The following FCHSD2 variants were observed in gnomAD, a reference collection of about 807,000 sequenced individuals.
FCHSD2 encodes the protein F-BAR and double SH3 domains protein 2.
A neutral mutation model predicts 108.1 loss-of-function variants in FCHSD2; 38 were observed. The observed-to-expected ratio is 0.35, with a 90% CI of 0.27 to 0.46. The LOEUF is 0.46. Ranked by LOEUF, FCHSD2 falls within the 20% of genes least tolerant of loss-of-function variation. The pLI is 1.00. For synonymous variants in FCHSD2, 279 were observed against 314.7 expected (o/e 0.89, Z 1.20); for missense variants, 751 against 897.8 (o/e 0.84, Z 2.09).
At chr11:73,045,229 C>T (rs1273953686) in intron 3 of FCHSD2, among the ~76,000 whole-genome samples, 1 of 151,930 alleles carries the variant, frequency 6.6e-6, no homozygotes, top group Non-Finnish European at 1.5e-5. Context: ...TACCATCTCA[C>T]ACCAGTTAGA....
chr11:73,012,942 C>T (rs1248173311), intron 4 of FCHSD2, among the ~76,000 whole-genome samples: 1 of 152,142 alleles, frequency 6.6e-6, no homozygotes, highest in Non-Finnish European at 1.5e-5. Flanking sequence ...CTACAATTTC[C>T]TTGGTTCAAA....
At chr11:73,141,659 G>A (rs1223097754) in intron 1 of FCHSD2, among the ~76,000 whole-genome samples, 198 bp downstream of exon 1, 2 of 152,194 alleles carry the variant, frequency 1.3e-5, no homozygotes, top group Non-Finnish European at 2.9e-5. Flanking sequence ...GAGGACGGAC[G>A]AGCCCCGGCG....
intron 2 of FCHSD2, among the ~76,000 whole-genome samples, chr11:73,122,377 G>A (rs1452199864): frequency 6.6e-6 from 1 of 152,090 alleles, no homozygotes; most frequent in Non-Finnish European, 1.5e-5. Flanking sequence ...CACCCTGATA[G>A]CCCCAGAGAA....
chr11:72,926,801 G>T (rs1210984968), intron 8 of FCHSD2, among the ~76,000 whole-genome samples: 1 of 152,192 alleles, frequency 6.6e-6, no homozygotes, highest in Non-Finnish European at 1.5e-5. Context: ...AAAGGAGCTT[G>T]ATTAGAAATA....
intron 2 of FCHSD2, among the ~76,000 whole-genome samples, chr11:73,111,613 C>T (rs1860487963): frequency 6.6e-6 from 1 of 152,054 alleles, no homozygotes; most frequent in Non-Finnish European, 1.5e-5. Flanking sequence ...AATGTTGTTA[C>T]TGATAAAGAC....
intron 8 of FCHSD2, among the ~76,000 whole-genome samples, chr11:72,937,962 T>G (rs1856336309): frequency 6.6e-6 from 1 of 152,218 alleles, no homozygotes; most frequent in African/African-American, 2.4e-5. Context: ...ATAAGTGTTA[T>G]GTCTGAATGG....
chr11:72,921,794 G>A, intron 9 of FCHSD2, 34 bp downstream of exon 9: 1 of 1,580,968 alleles, frequency 6.3e-7, no homozygotes, highest in Non-Finnish European at 8.7e-7. Context: ...TTCTAAGTTG[G>A]ATAACACTAC....
intron 3 of FCHSD2, among the ~76,000 whole-genome samples, chr11:73,058,518 T>C (rs937844759): frequency 2.0e-5 from 3 of 152,150 alleles, no homozygotes; most frequent in African/African-American, 7.2e-5. Flanking sequence ...CTTCAAGATC[T>C]TTATTTTTAA....
intron 3 of FCHSD2, among the ~76,000 whole-genome samples, chr11:73,078,567 G>C (rs1246167711): frequency 1.3e-5 from 2 of 151,770 alleles, no homozygotes; most frequent in African/African-American, 4.8e-5. Flanking sequence ...ATCAGACACA[G>C]AAGGGTACAT....
intron 9 of FCHSD2, among the ~76,000 whole-genome samples, chr11:72,910,526 C>T (rs1040194970): frequency 6.6e-6 from 1 of 152,114 alleles, no homozygotes; most frequent in Admixed American, 6.6e-5. Flanking sequence ...AACCTTACCC[C>T]CAACCCCATG....
intron 8 of FCHSD2, among the ~76,000 whole-genome samples, chr11:72,935,734 C>G (rs776714621): frequency 8.5e-5 from 13 of 152,148 alleles, no homozygotes; most frequent in Non-Finnish European, 1.6e-4. Flanking sequence ...AGAAACATAT[C>G]ATCTAATTTT....
At chr11:73,022,852 C>T (rs1264505360) in intron 3 of FCHSD2, among the ~76,000 whole-genome samples, 1 of 152,048 alleles carries the variant, frequency 6.6e-6, no homozygotes, top group Non-Finnish European at 1.5e-5. Flanking sequence ...ACAGATAGAT[C>T]AGTGGAACAA....
chr11:73,088,172 AT>A (rs1440921306), intron 2 of FCHSD2, among the ~76,000 whole-genome samples: 1 of 152,104 alleles, frequency 6.6e-6, no homozygotes, highest in East Asian at 1.9e-4. Context: ...TGCCCAGCCC[AT>A]TTTTTAATCT....
chr11:73,009,728 T>C (rs1348371329), intron 4 of FCHSD2, among the ~76,000 whole-genome samples: 1 of 152,002 alleles, frequency 6.6e-6, no homozygotes, highest in Non-Finnish European at 1.5e-5. Flanking sequence ...CATACCATTC[T>C]CTCTTGGCCT....
intron 8 of FCHSD2, among the ~76,000 whole-genome samples, chr11:72,924,441 C>CTTT (rs536513005): frequency 1.4e-5 from 2 of 138,292 alleles, no homozygotes; most frequent in Admixed American, 7.2e-5. Context: ...CCACACCCGG[C>CTTT]TTTTTTTTTT....
At chr11:72,929,992 A>G (rs907038127) in intron 8 of FCHSD2, among the ~76,000 whole-genome samples, 1 of 152,328 alleles carries the variant, frequency 6.6e-6, no homozygotes. Context: ...AAAGCACCAA[A>G]GAAACATTTT....
chr11:72,876,545 T>C (rs1190455405), intron 12 of FCHSD2, among the ~76,000 whole-genome samples: 1 of 152,252 alleles, frequency 6.6e-6, no homozygotes, highest in Admixed American at 6.5e-5. Flanking sequence ...TTACTATGTA[T>C]AATATCAATC....
chr11:72,951,735 A>G (rs1336127257), intron 8 of FCHSD2, among the ~76,000 whole-genome samples: 1 of 152,134 alleles, frequency 6.6e-6, no homozygotes, highest in Non-Finnish European at 1.5e-5. Flanking sequence ...TAAGAGTCTC[A>G]ATGTCATGAC....
At chr11:72,933,375 T>C (rs1269882530) in intron 8 of FCHSD2, among the ~76,000 whole-genome samples, 2 of 152,222 alleles carry the variant, frequency 1.3e-5, no homozygotes, top group Admixed American at 1.3e-4. Context: ...ATGAGAAATT[T>C]GGCAAAGTGA....
Sources: allele counts gnomAD v4.1 joint callset (sites outside exome capture counted in the v4.1 genomes callset), GRCh38; gene constraint gnomAD v4.1.1; transcripts MANE v1.5; gene names NCBI Gene and HGNC (gene_info 2026-07-23, HGNC 2026-07-21).